The following TMEM117 variants were observed in gnomAD, a reference collection of about 807,000 sequenced individuals.
The protein encoded by TMEM117 is transmembrane protein 117.
TMEM117 carries 27 observed loss-of-function variants against 52.4 expected under a neutral mutation model. The observed-to-expected ratio is 0.51, with a 90% CI of 0.38 to 0.71. The LOEUF is 0.71. Ranked by LOEUF, TMEM117 falls within the 30% of genes least tolerant of loss-of-function variation. The pLI, the probability that TMEM117 is intolerant of heterozygous loss-of-function variation, is 0.00. For missense variants in TMEM117, 556 were observed against 630.5 expected, an observed-to-expected ratio of 0.88 and a Z score of 1.26; for synonymous variants, 215 against 206.3, an observed-to-expected ratio of 1.04 and a Z score of -0.36.
chr12:43,883,973 C>T (rs1483651086), intron 2 of TMEM117, among the ~76,000 whole-genome samples: 2 of 151,734 alleles, frequency 1.3e-5, no homozygotes, highest in Non-Finnish European at 2.9e-5. Context: ...CCTGACTCTA[C>T]AAGAAATACA....
At chr12:43,795,808 A>C in the TMEM117 span, 1 of 1,587,328 alleles carries the variant, frequency 6.3e-7, no homozygotes. Context: ...ACAAGCAACA[A>C]GCTGGTTTTC....
the TMEM117 span, among the ~76,000 whole-genome samples, chr12:43,827,742 C>T: frequency 3.9e-5 from 6 of 152,134 alleles, no homozygotes; most frequent in Non-Finnish European, 1.5e-5. Flanking sequence ...CTGCCCCCCA[C>T]CCAAAATTCA....
chr12:44,083,694 G>T (rs997112969), intron 3 of TMEM117: 1 of 152,172 alleles, frequency 6.6e-6, no homozygotes, highest in Admixed American at 6.5e-5. Context: ...ATAAACTACT[G>T]CACCTGGCCA....
chr12:43,969,208 T>C (rs1945535666), intron 3 of TMEM117, among the ~76,000 whole-genome samples: 2 of 151,600 alleles, frequency 1.3e-5, no homozygotes. Flanking sequence ...CAGTACAGAT[T>C]TATCAACCCT....
intron 4 of TMEM117, among the ~76,000 whole-genome samples, chr12:44,164,633 G>A (rs141509408): frequency 6.6e-6 from 1 of 152,170 alleles, no homozygotes; most frequent in East Asian, 1.9e-4. Context: ...AAAAGAATAG[G>A]CTATGAAGAT....
At chr12:44,306,351 T>C (rs1489620448) in intron 6 of TMEM117, among the ~76,000 whole-genome samples, 1 of 152,226 alleles carries the variant, frequency 6.6e-6, no homozygotes, top group Non-Finnish European at 1.5e-5. Flanking sequence ...AATCTACTCA[T>C]ATTTCTATAT....
intron 5 of TMEM117, among the ~76,000 whole-genome samples, chr12:44,273,281 G>T (rs1470403934): frequency 6.6e-6 from 1 of 151,698 alleles, no homozygotes; most frequent in African/African-American, 2.4e-5. Context: ...TGAGTTAATG[G>T]GTGCAGCACA....
chr12:44,356,385 C>T (rs914912803), intron 6 of TMEM117, among the ~76,000 whole-genome samples: 1 of 152,040 alleles, frequency 6.6e-6, no homozygotes, highest in Non-Finnish European at 1.5e-5. Flanking sequence ...TCAACAGCAT[C>T]TTTGGCAAAA....
intron 5 of TMEM117, among the ~76,000 whole-genome samples, chr12:44,226,941 C>T (rs546325211): frequency 1.3e-5 from 2 of 152,098 alleles, no homozygotes; most frequent in Admixed American, 6.6e-5. Context: ...AATATAAATA[C>T]AATAAAAATT....
At chr12:43,899,616 G>A (rs915271040) in intron 2 of TMEM117, among the ~76,000 whole-genome samples, 5 of 125,960 alleles carry the variant, frequency 4.0e-5, no homozygotes, top group Non-Finnish European at 7.0e-5. Context: ...ATTCATTTCA[G>A]GTGTGTTTCC....
chr12:44,048,824 A>G (rs1015660195), intron 3 of TMEM117, among the ~76,000 whole-genome samples: 3 of 152,350 alleles, frequency 2.0e-5, no homozygotes, highest in East Asian at 3.9e-4. Flanking sequence ...CACGTACTGG[A>G]CAGAGTATTT....
chr12:44,071,706 G>T (rs990199045), intron 3 of TMEM117, among the ~76,000 whole-genome samples: 1 of 152,062 alleles, frequency 6.6e-6, no homozygotes, highest in Admixed American at 6.5e-5. Flanking sequence ...AATGAGGAGC[G>T]GTGATGAAAT....
intron 4 of TMEM117, among the ~76,000 whole-genome samples, chr12:44,188,659 T>C (rs982622381): frequency 2.0e-5 from 3 of 152,066 alleles, no homozygotes; most frequent in Admixed American, 6.6e-5. Flanking sequence ...ATCTTCTCAA[T>C]AAATTTAGCC....
intron 3 of TMEM117, among the ~76,000 whole-genome samples, chr12:43,951,970 C>G (rs12315094): frequency 6.6e-6 from 1 of 152,066 alleles, no homozygotes; most frequent in African/African-American, 2.4e-5. Context: ...TGTTCTGCAG[C>G]CTCCACTGGT....
At chr12:43,878,200 G>A (rs1943836613) in intron 2 of TMEM117, among the ~76,000 whole-genome samples, 1 of 152,150 alleles carries the variant, frequency 6.6e-6, no homozygotes, top group Admixed American at 6.5e-5. Flanking sequence ...TTTCAAACTA[G>A]ACAGCTTCCT....
chr12:44,082,724 T>A (rs188067198), intron 3 of TMEM117, among the ~76,000 whole-genome samples: 488 of 152,248 alleles, frequency 3.2e-3, no homozygotes, highest in Non-Finnish European at 5.9e-3. Context: ...AAGTATGTTA[T>A]GCAACACAAC....
chr12:44,121,119 A>G (rs1948226980), intron 3 of TMEM117, among the ~76,000 whole-genome samples: 1 of 152,158 alleles, frequency 6.6e-6, no homozygotes, highest in South Asian at 2.1e-4. Flanking sequence ...ATCTTGTGAG[A>G]CTTATTCACT....
intron 3 of TMEM117, among the ~76,000 whole-genome samples, chr12:44,057,321 C>G (rs1417186617): frequency 6.6e-6 from 1 of 152,078 alleles, no homozygotes; most frequent in Non-Finnish European, 1.5e-5. Flanking sequence ...GATAGCAGCC[C>G]TGCCCTTAAG....
At chr12:43,958,879 TCAC>T (rs1452572125) in intron 3 of TMEM117, among the ~76,000 whole-genome samples, 1 of 152,144 alleles carries the variant, frequency 6.6e-6, no homozygotes. Context: ...GGATCTCGGC[TCAC>T]TGCAAGCTCC....
Sources: allele counts gnomAD v4.1 joint callset (sites outside exome capture counted in the v4.1 genomes callset), GRCh38; gene constraint gnomAD v4.1.1; transcripts MANE v1.5; gene names NCBI Gene and HGNC (gene_info 2026-07-23, HGNC 2026-07-21).